Variants in NCAPH observed in about 807,000 individuals in gnomAD.
NCAPH encodes the protein condensin complex subunit 2.
A neutral mutation model predicts 85.5 loss-of-function variants in NCAPH; 38 were observed. That is an observed-to-expected ratio of 0.44 (90% CI 0.34 to 0.58). The LOEUF is 0.58. Ranked by LOEUF, NCAPH falls within the 20% of genes least tolerant of loss-of-function variation. The probability of loss-of-function intolerance (pLI) is 0.01; values close to 1 mark genes in which losing one functional copy is unlikely to be tolerated. For missense variants in NCAPH, 789 were observed against 916.6 expected, an observed-to-expected ratio of 0.86 and a Z score of 1.80; for synonymous variants, 301 against 335.1, an observed-to-expected ratio of 0.90 and a Z score of 1.11.
chr2:96,368,204 T>G (rs2104499830), intron 15 of NCAPH, among the ~76,000 whole-genome samples: 1 of 152,320 alleles, frequency 6.6e-6, no homozygotes. Context: ...CTGAGCTGGG[T>G]ATCAGAGAAA....
chr2:96,345,180 A>G (rs924037842), intron 6 of NCAPH, among the ~76,000 whole-genome samples: 2 of 152,210 alleles, frequency 1.3e-5, no homozygotes, highest in African/African-American at 4.8e-5. Flanking sequence ...TGGTATCCAA[A>G]TGAGAAAATA....
chr2:96,337,291 G>A (rs1382356646), intron 1 of NCAPH, among the ~76,000 whole-genome samples: 1 of 152,210 alleles, frequency 6.6e-6, no homozygotes, highest in Non-Finnish European at 1.5e-5. Context: ...CCTCTCCAAA[G>A]GTCCAGGTTC....
At position 96,354,689 on chromosome 2, in the gene NCAPH, G is replaced by C. The variant is rs76548225; in HGVS notation, c.1208+301G>C. On this transcript the variant is annotated intron_variant, in intron 9 of 17. Transcript: ENST00000240423. ...ATTTGATGTCTGATTGGCTGGGCTG[G>C]TGTGCTGTGTCATACACATCAGCTG... Among the ~76,000 whole-genome samples the C allele has an allele frequency of 3.3e-3, 496 of 152,218 alleles. 19 individuals are homozygous for C. The East Asian group carries it at 0.086, about 26-fold the overall frequency.
rs922419366 is a variant in NCAPH at position 96,373,442 on chromosome 2, T to G, written c.*91T>G. On this transcript the variant is annotated 3_prime_UTR_variant, in exon 18 of 18. Transcript: ENST00000240423. ...CTCGGGGGAAGAAGATGCCATGGGC[T>G]TATACCCAGGCTGTAGCCAACTACC... The G allele has an allele frequency of 7.9e-7, 1 of 1,269,906 alleles. No individual in the cohort carries two copies. The highest frequency in any genetic ancestry group is 1.1e-6 in the Non-Finnish European group (1 of 875,390). 78.7% of individuals were successfully genotyped at this position (1,269,906 alleles called of 1,614,324 possible).
rs756788917 is a variant in NCAPH, at chr2:96,369,432, C to G, written c.2098C>G (p.Pro700Ala). 3.1e-6 allele frequency: 5 copies of G among 1,613,968 alleles called. No individual in the cohort carries two copies. Among genetic ancestry groups the G allele is most frequent in the Non-Finnish European group, 4.2e-6 (5 of 1,179,962 alleles). Residue 700 changes from proline (P) to alanine (A), a missense_variant, in exon 17 of 18, where the codon CCT (proline) becomes GCT (alanine). By Grantham distance (27) the Pro-to-Ala change is conservative (BLOSUM62 -1). Transcript: ENST00000240423. ...TTGCCCCTTTCTTTCCAGCCTGCCCCCTGTCATGGCTCAGAACCTCTCCAT... is the reference window on the plus strand; with the variant it reads ...TTGCCCCTTTCTTTCCAGCCTGCCCGCTGTCATGGCTCAGAACCTCTCCAT... ...LTKDLQRSLPPVMAQNLSIPL... is the reference protein window; with the variant it reads ...LTKDLQRSLPAVMAQNLSIPL...
chr2:96,369,488 A>C lies in NCAPH; in HGVS notation c.2154A>C (p.Leu718Phe). 1 of 1,613,888 alleles carries C rather than the reference A, an allele frequency of 6.2e-7. No homozygotes were observed. Among genetic ancestry groups the C allele is most frequent in the Non-Finnish European group, 8.5e-7 (1 of 1,179,782 alleles). Reference sequence around the variant, plus strand: ...TGGCTTTTGCCTGTCTCCTACATTTAGCCAATGAAAAGGTAGGTAATTAAG... The same window carrying C: ...TGGCTTTTGCCTGTCTCCTACATTTCGCCAATGAAAAGGTAGGTAATTAAG... ...IPLAFACLLH[L>F]ANEKNLKLEG... Residue 718 changes from leucine to phenylalanine, a missense_variant, in exon 17 of 18, where the codon TTA becomes TTC. Transcript: ENST00000240423.
Position 96,373,434 on chromosome 2 carries a change from C to T in NCAPH, c.*83C>T, listed in dbSNP as rs1040886853. On this transcript the variant is annotated 3_prime_UTR_variant, in exon 18 of 18. Coordinates refer to ENST00000240423, the MANE Select transcript of NCAPH (RefSeq NM_015341.5). ...TCCCCAGTCTCGGGGGAAGAAGATG[C>T]CATGGGCTTATACCCAGGCTGTAGC... 3 of 1,356,138 alleles carry T rather than the reference C, an allele frequency of 2.2e-6. No individual in the cohort carries two copies. The highest frequency in any genetic ancestry group is 3.2e-6 in the Non-Finnish European group (3 of 949,240). The allele number at this position is 1,356,138 out of a possible 1,614,324, so 84.0% of individuals were successfully genotyped here.
chr2:96,338,564 A>G (rs530117435), intron 1 of NCAPH, among the ~76,000 whole-genome samples: 189 of 152,336 alleles, frequency 1.2e-3, no homozygotes, highest in Non-Finnish European at 2.2e-3. Flanking sequence ...GAAGACTATC[A>G]TGGATCATCT....
intron 15 of NCAPH, among the ~76,000 whole-genome samples, chr2:96,368,467 C>A (rs537178263): frequency 5.3e-5 from 8 of 152,234 alleles, no homozygotes; most frequent in African/African-American, 1.9e-4. Flanking sequence ...CAAGCCTGGC[C>A]AACATGGTGA....
intron 10 of NCAPH, 113 bp from the exon 11 acceptor site, chr2:96,360,030 A>G (rs1397099374): frequency 5.9e-6 from 4 of 674,710 alleles, no homozygotes; most frequent in East Asian, 2.7e-5. Context: ...CTCAGACACA[A>G]TGCTGCCTTG....
At chr2:96,360,414 G>T (rs2064589506) in intron 11 of NCAPH, among the ~76,000 whole-genome samples, 165 bp downstream of exon 11, 1 of 152,088 alleles carries the variant, frequency 6.6e-6, no homozygotes, top group South Asian at 2.1e-4. Context: ...GTGGCAGAAA[G>T]AATCAAATTT....
chr2:96,353,239 TG>T, intron 7 of NCAPH, 66 bp from the exon 8 acceptor site: 5 of 1,303,538 alleles, frequency 3.8e-6, no homozygotes, highest in Non-Finnish European at 5.5e-6. Flanking sequence ...AGTATCATTC[TG>T]AAGGGAGTAA....
chr2:96,357,729 G>T (rs1360084484), intron 9 of NCAPH, among the ~76,000 whole-genome samples: 1 of 152,128 alleles, frequency 6.6e-6, no homozygotes, highest in Non-Finnish European at 1.5e-5. Context: ...CACAATAAAT[G>T]CACAAATGTA....
At position 96,373,614 on chromosome 2, in the gene NCAPH, T is replaced by G. The variant is rs1291346487; in HGVS notation, c.*263T>G. ...GAGGGCAGAGGGGGTGAGGGTACTA[T>G]TCTGGATTGAGAAAACCTATATCCA... On this transcript the variant is annotated 3_prime_UTR_variant, in exon 18 of 18. Coordinates refer to ENST00000240423, the MANE Select transcript of NCAPH (RefSeq NM_015341.5). 2.9e-6 allele frequency: 1 copy of G among 348,402 alleles called. No individual in the cohort carries two copies. Among genetic ancestry groups the G allele is most frequent in the Non-Finnish European group, 5.2e-6 (1 of 191,578 alleles). The allele number at this position is 348,402 out of a possible 1,614,324, so 21.6% of individuals were successfully genotyped here. A position where few individuals can be genotyped will look rare whatever the true frequency, so the allele number is the denominator to read the frequency against.
chr2:96,337,599 T>C (rs904871499), intron 1 of NCAPH, among the ~76,000 whole-genome samples: 3 of 152,252 alleles, frequency 2.0e-5, no homozygotes, highest in Middle Eastern at 3.4e-3. Context: ...TTTTGTATTT[T>C]AGTAGGAACG....
chr2:96,341,977 A>G, intron 2 of NCAPH, 73 bp from the exon 3 acceptor site: 2 of 1,604,260 alleles, frequency 1.2e-6, no homozygotes, highest in South Asian at 1.1e-5. Context: ...ACAAAACTTC[A>G]TGGGTCTAGG....
At chr2:96,342,229 C>A (rs888306243) in intron 3 of NCAPH, 89 bp downstream of exon 3, 1 of 1,180,946 alleles carries the variant, frequency 8.5e-7, no homozygotes, top group African/African-American at 1.5e-5. Context: ...AATGCACAAT[C>A]AATGATGATA....
intron 1 of NCAPH, among the ~76,000 whole-genome samples, chr2:96,340,856 C>T (rs1442703868): frequency 6.7e-6 from 1 of 150,112 alleles, no homozygotes; most frequent in African/African-American, 2.5e-5. Context: ...AACTGTCCTG[C>T]ATTCTAGAGT....
At chr2:96,341,429 C>T in intron 1 of NCAPH, 1 of 563,494 alleles carries the variant, frequency 1.8e-6, no homozygotes, top group Non-Finnish European at 3.1e-6. Flanking sequence ...GATATTTGTC[C>T]CAGATTAACA....
Sources: gnomAD v4.1 joint callset for allele counts (sites outside exome capture counted in the v4.1 genomes callset) on GRCh38, gnomAD v4.1.1 for gene constraint, MANE v1.5 for transcripts, NCBI Gene and HGNC (gene_info 2026-07-23, HGNC 2026-07-21) for gene names.